Variants in SORCS1 observed in about 807,000 individuals in gnomAD.
SORCS1 encodes the protein VPS10 domain-containing receptor SorCS1.
SORCS1 carries 60 observed loss-of-function variants against 146.1 expected under a neutral mutation model. The ratio of observed to expected loss-of-function variants is 0.41; its 90% CI spans 0.33 to 0.51. The LOEUF (loss-of-function observed/expected upper bound fraction) is 0.51, where lower values mean the gene tolerates loss of function less well. Among genes scored for constraint, SORCS1 ranks in the 20% least tolerant of loss-of-function variants. SORCS1 has a pLI of 0.21. For missense variants in SORCS1, 1,352 were observed against 1,487.6 expected (o/e 0.91, Z 1.50); for synonymous variants, 637 against 584.0 (o/e 1.09, Z -1.31).
At chr10:107,034,881 A>G (rs1449639802) in intron 1 of SORCS1, among the ~76,000 whole-genome samples, 1 of 151,822 alleles carries the variant, frequency 6.6e-6, no homozygotes, top group African/African-American at 2.4e-5. Context: ...TCGTAATCAA[A>G]TATAAAATAA....
At chr10:107,138,091 A>G (rs1181409406) in intron 1 of SORCS1, among the ~76,000 whole-genome samples, 4 of 152,138 alleles carry the variant, frequency 2.6e-5, no homozygotes, top group African/African-American at 9.7e-5. Flanking sequence ...TTTCTCTTAT[A>G]TTTTCATTTC....
chr10:107,172,329 T>C, the SORCS1 span, among the ~76,000 whole-genome samples: 2 of 152,238 alleles, frequency 1.3e-5, no homozygotes, highest in Non-Finnish European at 2.9e-5. Flanking sequence ...CCATGTCCTG[T>C]GCCATCATCC....
chr10:107,011,391 C>A (rs1250019806), intron 1 of SORCS1, among the ~76,000 whole-genome samples: 1 of 152,224 alleles, frequency 6.6e-6, no homozygotes, highest in Non-Finnish European at 1.5e-5. Flanking sequence ...ACACGACCTT[C>A]CACATAAAAG....
intron 17 of SORCS1, among the ~76,000 whole-genome samples, chr10:106,654,353 A>G (rs2135287367): frequency 6.6e-6 from 1 of 152,360 alleles, no homozygotes; most frequent in South Asian, 2.1e-4. Flanking sequence ...AAGATCAAAT[A>G]GCCAGGACCT....
intron 10 of SORCS1, among the ~76,000 whole-genome samples, chr10:106,682,306 A>G (rs898392308): frequency 1.3e-5 from 2 of 152,236 alleles, no homozygotes; most frequent in African/African-American, 4.8e-5. Flanking sequence ...ACTCAGTAAC[A>G]GCAACATTAG....
At chr10:106,705,678 G>T (rs1447680169) in intron 8 of SORCS1, among the ~76,000 whole-genome samples, 1 of 152,136 alleles carries the variant, frequency 6.6e-6, no homozygotes, top group African/African-American at 2.4e-5. Context: ...TACATTTACA[G>T]TTCCTAGTCA....
At chr10:107,047,111 C>T (rs911191469) in intron 1 of SORCS1, among the ~76,000 whole-genome samples, 18 of 152,146 alleles carry the variant, frequency 1.2e-4, no homozygotes, top group African/African-American at 4.3e-4. Context: ...GCCTCGGCCT[C>T]CCAGGTAGCT....
Position 106,575,517 on chromosome 10 carries a change from A to G in SORCS1, c.*1903T>C, listed in dbSNP as rs967167385. Reference sequence around the variant, plus strand: ...TTATAGTGGGCTTTGCCCAGTCCATAATACTAAAGGGGCCTCTGCTGAACA... The same window carrying G: ...TTATAGTGGGCTTTGCCCAGTCCATGATACTAAAGGGGCCTCTGCTGAACA... On this transcript the variant is annotated 3_prime_UTR_variant, in exon 26 of 26. Transcript: ENST00000263054. The G allele has an allele frequency of 6.6e-6, 1 of 152,154 alleles. No homozygotes were observed. The highest frequency in any genetic ancestry group is 2.4e-5 in the African/African-American group (1 of 41,434). The allele number at this position is 152,154 out of a possible 1,614,324, so 9.4% of individuals were successfully genotyped here. A position where few individuals can be genotyped will look rare whatever the true frequency, so the allele number is the denominator to read the frequency against.
intron 18 of SORCS1, among the ~76,000 whole-genome samples, chr10:106,634,739 A>G (rs979477107): frequency 2.0e-5 from 3 of 152,226 alleles, no homozygotes; most frequent in African/African-American, 7.2e-5. Context: ...CACTAGTAAG[A>G]CAGTATCATG....
At chr10:106,991,913 T>C (rs1370945209) in intron 1 of SORCS1, among the ~76,000 whole-genome samples, 1 of 152,256 alleles carries the variant, frequency 6.6e-6, no homozygotes, top group Admixed American at 6.5e-5. Flanking sequence ...AATCTGATTC[T>C]GAGCGTAAAA....
intron 2 of SORCS1, among the ~76,000 whole-genome samples, chr10:106,924,523 T>C (rs552031751): frequency 5.3e-5 from 8 of 151,066 alleles, no homozygotes; most frequent in African/African-American, 1.7e-4. Flanking sequence ...CTAATTTGCA[T>C]TGGGCAGGAG....
At chr10:106,682,759 A>G (rs1246668209) in intron 10 of SORCS1, among the ~76,000 whole-genome samples, 1 of 152,192 alleles carries the variant, frequency 6.6e-6, no homozygotes, top group African/African-American at 2.4e-5. Context: ...ATATGCTAAT[A>G]GTCACAATAG....
intron 1 of SORCS1, among the ~76,000 whole-genome samples, chr10:106,990,435 AT>A (rs1589866734): frequency 6.6e-6 from 1 of 151,814 alleles, no homozygotes; most frequent in African/African-American, 2.4e-5. Context: ...ACACCTGGCT[AT>A]TTTTTGTATT....
intron 2 of SORCS1, among the ~76,000 whole-genome samples, chr10:106,936,015 A>T (rs1021605813): frequency 6.6e-6 from 1 of 152,194 alleles, no homozygotes; most frequent in Non-Finnish European, 1.5e-5. Context: ...ATCTGATTGG[A>T]GCATATCTGA....
chr10:106,749,185 T>G (rs539371125), intron 5 of SORCS1, among the ~76,000 whole-genome samples: 1 of 152,214 alleles, frequency 6.6e-6, no homozygotes, highest in African/African-American at 2.4e-5. Context: ...ATAGGAAATA[T>G]GAGATTTGGA....
chr10:106,820,558 C>T (rs1041580364), intron 3 of SORCS1, among the ~76,000 whole-genome samples: 2 of 152,126 alleles, frequency 1.3e-5, no homozygotes, highest in Non-Finnish European at 2.9e-5. Context: ...TTAATTTCTC[C>T]AGGGGAGAAA....
intron 7 of SORCS1, among the ~76,000 whole-genome samples, chr10:106,707,184 A>C (rs1854593452): frequency 1.0e-5 from 1 of 100,168 alleles, no homozygotes; most frequent in Non-Finnish European, 2.1e-5. Flanking sequence ...CTTCTATTTA[A>C]TTTAATTTTT....
At chr10:106,666,851 G>A (rs190157993) in intron 17 of SORCS1, among the ~76,000 whole-genome samples, 99 of 152,086 alleles carry the variant, frequency 6.5e-4, no homozygotes, top group African/African-American at 2.0e-3. Context: ...GACTACAGGC[G>A]TGAGCCACTG....
chr10:106,724,577 A>C (rs1856017882), intron 6 of SORCS1, among the ~76,000 whole-genome samples: 2 of 152,058 alleles, frequency 1.3e-5, no homozygotes, highest in Non-Finnish European at 2.9e-5. Flanking sequence ...TTTCTCATGT[A>C]AAAAACTAAA....
Sources: gnomAD v4.1 joint callset for allele counts (sites outside exome capture counted in the v4.1 genomes callset) on GRCh38, gnomAD v4.1.1 for gene constraint, MANE v1.5 for transcripts, NCBI Gene and HGNC (gene_info 2026-07-23, HGNC 2026-07-21) for gene names.